Variants in KCNH8 observed in about 807,000 individuals in gnomAD.
The protein encoded by KCNH8 is potassium voltage-gated channel subfamily H member 8.
A neutral mutation model predicts 103.6 loss-of-function variants in KCNH8; 70 were observed. The ratio of observed to expected loss-of-function variants is 0.68; its 90% CI spans 0.56 to 0.82. KCNH8 has a LOEUF of 0.82. Among genes scored for constraint, KCNH8 ranks in the 40% least tolerant of loss-of-function variants. The pLI is 0.00. For synonymous variants in KCNH8, 498 were observed against 489.4 expected, an observed-to-expected ratio of 1.02 and a Z score of -0.23; for missense variants, 1,217 against 1,329.9, an observed-to-expected ratio of 0.92 and a Z score of 1.32.
At chr3:19,506,289 G>A (rs1381909875) in intron 11 of KCNH8, among the ~76,000 whole-genome samples, 4 of 152,108 alleles carry the variant, frequency 2.6e-5, no homozygotes, top group Non-Finnish European at 5.9e-5. Context: ...GTGGGCTGGT[G>A]TTCCTTTAAC....
chr3:19,239,349 C>T (rs759674883), intron 1 of KCNH8, among the ~76,000 whole-genome samples: 1 of 152,062 alleles, frequency 6.6e-6, no homozygotes, highest in Non-Finnish European at 1.5e-5. Flanking sequence ...GGATGAGGGG[C>T]AGAAAAGGTA....
intron 3 of KCNH8, among the ~76,000 whole-genome samples, chr3:19,326,998 G>A (rs1238024743): frequency 1.3e-5 from 2 of 152,034 alleles, no homozygotes; most frequent in African/African-American, 2.4e-5. Flanking sequence ...TAGAATCACT[G>A]GGGGTCATTC....
intron 2 of KCNH8, among the ~76,000 whole-genome samples, chr3:19,276,900 T>C (rs1172843038): frequency 6.6e-6 from 1 of 152,162 alleles, no homozygotes; most frequent in Non-Finnish European, 1.5e-5. Context: ...AAGAGATATC[T>C]GCATTCCTGT....
At chr3:19,288,103 T>A (rs1183320827) in intron 3 of KCNH8, among the ~76,000 whole-genome samples, 1 of 151,114 alleles carries the variant, frequency 6.6e-6, no homozygotes, top group Non-Finnish European at 1.5e-5. Context: ...TCATAGTAAG[T>A]GTCCTTCCCT....
At position 19,535,495 on chromosome 3, in the gene KCNH8, A is replaced by G. The variant is rs148412725; in HGVS notation, c.*1396A>G. ...TGGCAATGATTTAAGCACCTTCACT[A>G]AAGTCTTATTTTATGTTTTAGAACA... On this transcript the variant is annotated 3_prime_UTR_variant, in exon 16 of 16. Coordinates refer to ENST00000328405, the MANE Select transcript of KCNH8 (RefSeq NM_144633.3). 5.3e-5 allele frequency: 8 copies of G among 152,310 alleles called. No homozygotes were observed. Among genetic ancestry groups the G allele is most frequent in the East Asian group, 3.9e-4 (2 of 5,180 alleles). The allele number at this position is 152,310 out of a possible 1,614,324, so 9.4% of individuals were successfully genotyped here. A position where few individuals can be genotyped will look rare whatever the true frequency, so the allele number is the denominator to read the frequency against.
At chr3:19,295,551 A>T (rs1389630781) in intron 3 of KCNH8, among the ~76,000 whole-genome samples, 1 of 152,114 alleles carries the variant, frequency 6.6e-6, no homozygotes, top group Non-Finnish European at 1.5e-5. Context: ...GAATATTCCC[A>T]GTTTGGGGAT....
chr3:19,302,581 G>A (rs902879912), intron 3 of KCNH8, among the ~76,000 whole-genome samples: 1 of 152,108 alleles, frequency 6.6e-6, no homozygotes, highest in Non-Finnish European at 1.5e-5. Flanking sequence ...CATCCCATTA[G>A]ATTTTCTCAG....
Position 19,451,377 on chromosome 3 carries a change from A to G in KCNH8, c.1798A>G (p.Lys600Glu), listed in dbSNP as rs867438919. The change falls in exon 10 of 16, where the codon AAA becomes GAA. Residue 600 changes from lysine to glutamate, a missense_variant. By Grantham distance (56) the Lys-to-Glu change is moderately conservative. This residue lies in a region of KCNH8 where 415 missense variants were observed against 577.4 expected (regional missense o/e 0.72). Coordinates refer to ENST00000328405, the MANE Select transcript of KCNH8 (RefSeq NM_144633.3). ...ATGCTCGGGCTCCATGGAAGTTCTT[A>G]AAGACAGCATGGTGCTGGCTATTCT... ...FVCSGSMEVLKDSMVLAILGK... is the reference protein window; with the variant it reads ...FVCSGSMEVLEDSMVLAILGK... The G allele has an allele frequency of 6.2e-7, 1 of 1,613,650 alleles. No homozygotes were observed.
rs1043371055 is a variant in KCNH8, at chr3:19,480,436, T to C, written c.2040+23454T>C. On this transcript the variant is annotated intron_variant, in intron 11 of 15. Transcript: ENST00000328405. ...GCATTTAATGAGTTAGAGAAATAGA[T>C]GAAATAAATCAAAGGACTACCTTCC... 8.5e-5 allele frequency among the ~76,000 whole-genome samples: 13 copies of C among 152,164 alleles called. 1 individual carries two copies. The highest frequency in any genetic ancestry group is 1.6e-4 in the Non-Finnish European group (11 of 68,040).
intron 3 of KCNH8, among the ~76,000 whole-genome samples, chr3:19,310,984 G>A (rs12633153): frequency 0.03 from 4,534 of 151,664 alleles, 231 homozygotes; most frequent in East Asian, 0.17. Flanking sequence ...TGTGACTTTT[G>A]CTCTTTCATA....
intron 8 of KCNH8, among the ~76,000 whole-genome samples, chr3:19,443,087 A>G (rs966637040): frequency 4.6e-5 from 7 of 151,768 alleles, no homozygotes; most frequent in African/African-American, 1.7e-4. Flanking sequence ...TTTAAAAAGA[A>G]AAATCTAAAA....
In KCNH8 at chr3:19,438,273, G is replaced by A. The variant is rs2067230374; in HGVS notation, c.1287G>A (p.Leu429=). The change falls in exon 8 of 16, where the codon CTG becomes CTA. Residue 429 remains leucine, a synonymous_variant. Coordinates refer to ENST00000328405, the MANE Select transcript of KCNH8 (RefSeq NM_144633.3). ...SAYIAALYFT[L]SSLTSVGFGN... The stretch of plus-strand genomic sequence containing the variant: ...ATATTGCCGCTCTGTACTTCACGCT[G>A]AGCAGCCTCACCAGCGTGGGTTTTG... 2 of 1,613,968 alleles carry A rather than the reference G, an allele frequency of 1.2e-6. No homozygotes were observed. The highest frequency in any genetic ancestry group is 1.7e-5 in the Admixed American group (1 of 59,964).
chr3:19,284,869 T>TAA (rs1263075004), intron 3 of KCNH8, among the ~76,000 whole-genome samples: 6 of 96,446 alleles, frequency 6.2e-5, no homozygotes, highest in African/African-American at 2.1e-4. Context: ...GTCCTTTTTA[T>TAA]AAAAAAAAAA....
intron 4 of KCNH8, among the ~76,000 whole-genome samples, chr3:19,345,582 C>CT (rs1343981245): frequency 6.6e-6 from 1 of 152,028 alleles, no homozygotes; most frequent in Non-Finnish European, 1.5e-5. Context: ...AATAACATGT[C>CT]TTTCCCCCTA....
At chr3:19,492,114 T>C (rs1215514501) in intron 11 of KCNH8, among the ~76,000 whole-genome samples, 5 of 151,810 alleles carry the variant, frequency 3.3e-5, no homozygotes, top group Non-Finnish European at 5.9e-5. Flanking sequence ...TTTTATCCCA[T>C]TTTGTCAGTT....
chr3:19,340,357 ATT>A (rs33979047), intron 3 of KCNH8, among the ~76,000 whole-genome samples: 32,575 of 143,856 alleles, frequency 0.23, 4,086 homozygotes, highest in African/African-American at 0.36. Flanking sequence ...TTTTTTTTTA[ATT>A]TTTTTTTTTT....
chr3:19,307,954 A>G (rs1029234804), intron 3 of KCNH8, among the ~76,000 whole-genome samples: 1 of 151,940 alleles, frequency 6.6e-6, no homozygotes, highest in Admixed American at 6.6e-5. Context: ...TTAACTGGAT[A>G]GGAGGAATAA....
chr3:19,157,721 A>C (rs1424221741), intron 1 of KCNH8, among the ~76,000 whole-genome samples: 2 of 151,942 alleles, frequency 1.3e-5, no homozygotes, highest in South Asian at 4.1e-4. Flanking sequence ...TGAAGTTCAG[A>C]ATTTTTTAAT....
intron 3 of KCNH8, among the ~76,000 whole-genome samples, chr3:19,335,408 G>A (rs1322349488): frequency 6.6e-6 from 1 of 150,536 alleles, no homozygotes; most frequent in African/African-American, 2.4e-5. Flanking sequence ...ATCTATAAGT[G>A]AAAGTAGTAT....
Sources: allele counts gnomAD v4.1 joint callset (sites outside exome capture counted in the v4.1 genomes callset), GRCh38; gene constraint gnomAD v4.1.1; regional missense constraint gnomAD v4.1.1; transcripts MANE v1.5; gene names NCBI Gene and HGNC (gene_info 2026-07-23, HGNC 2026-07-21).